The following SQSTM1 variants were observed in gnomAD, a reference collection of about 807,000 sequenced individuals.
SQSTM1 encodes sequestosome-1.
Under a neutral mutation model 45.1 loss-of-function variants are expected in SQSTM1, and 36 were observed. The ratio of observed to expected loss-of-function variants is 0.80; its 90% CI spans 0.61 to 1.05. The LOEUF (loss-of-function observed/expected upper bound fraction) is 1.05. SQSTM1 is among the 50% of genes least tolerant of loss of function. The probability of loss-of-function intolerance (pLI) is 0.00; values close to 1 mark genes in which losing one functional copy is unlikely to be tolerated. For missense variants in SQSTM1, 617 were observed against 607.1 expected (o/e 1.02, Z -0.17); for synonymous variants, 290 against 244.3 (o/e 1.19, Z -1.74).
intron 1 of SQSTM1, among the ~76,000 whole-genome samples, chr5:179,809,937 G>A (rs965829666): frequency 1.3e-5 from 2 of 150,230 alleles, no homozygotes; most frequent in Non-Finnish European, 1.5e-5. Context: ...AGCCACCGGC[G>A]GCGCCCAGCC....
intron 5 of SQSTM1, among the ~76,000 whole-genome samples, chr5:179,831,418 T>C (rs1758211701): frequency 6.6e-6 from 1 of 152,146 alleles, no homozygotes; most frequent in Non-Finnish European, 1.5e-5. Context: ...TCCAAGCACT[T>C]TGGGAGGCCA....
At chr5:179,810,205 G>T (rs1246127392) in intron 1 of SQSTM1, among the ~76,000 whole-genome samples, 1 of 152,006 alleles carries the variant, frequency 6.6e-6, no homozygotes, top group African/African-American at 2.4e-5. Context: ...TGCCCGGTTG[G>T]TATGCTGCAC....
At chr5:179,834,157 G>A (rs1173839543) in intron 7 of SQSTM1, among the ~76,000 whole-genome samples, 33 of 30,028 alleles carry the variant, frequency 1.1e-3, no homozygotes, top group East Asian at 3.3e-3. Context: ...TGGTCTGAGA[G>A]GGGGGGGGGT....
At chr5:179,836,369 G>GGTAT (rs1758554025) in intron 7 of SQSTM1, 67 bp from the exon 8 acceptor site, 9 of 1,609,358 alleles carry the variant, frequency 5.6e-6, no homozygotes, top group Non-Finnish European at 7.6e-6. Flanking sequence ...AAGGCAGCAG[G>GGTAT]GTATGTGTTT....
At chr5:179,820,861 G>T, upstream of SQSTM1, 1 of 1,323,226 alleles carries the variant, frequency 7.6e-7, no homozygotes, top group South Asian at 1.6e-5. Context: ...GCGGGGCGGG[G>T]CCTCCGCGTT....
Position 179,836,617 on chromosome 5 carries a change from G to A in SQSTM1, c.*24G>A, listed in dbSNP as rs768290894. On this transcript the variant is annotated 3_prime_UTR_variant, in exon 8 of 8. Transcript: ENST00000389805. The stretch of plus-strand genomic sequence containing the variant: ...GACCACTTTTGCCCACCTCTTCTGC[G>A]TGCCCCTCTTCTGTCTCATAGTTGT... The A allele has an allele frequency of 4.8e-5, 78 of 1,611,398 alleles. No individual in the cohort carries two copies. Among genetic ancestry groups the A allele is most frequent in the Admixed American group, 2.7e-4 (16 of 59,902 alleles).
intron 5 of SQSTM1, among the ~76,000 whole-genome samples, chr5:179,826,084 C>T (rs923646071): frequency 7.9e-5 from 12 of 151,986 alleles, no homozygotes; most frequent in Non-Finnish European, 2.9e-5. Context: ...AAGAATGCTG[C>T]TAGGAGGGGC....
chr5:179,828,469 G>C (rs1042853767), intron 5 of SQSTM1, among the ~76,000 whole-genome samples: 1 of 150,524 alleles, frequency 6.6e-6, no homozygotes, highest in Non-Finnish European at 1.5e-5. Context: ...TGCCTCCCGG[G>C]TTCAAGCGAT....
chr5:179,833,464 C>G lies in SQSTM1; in HGVS notation c.970-123C>G, dbSNP rs553035601. 423 of 1,110,916 alleles carry G rather than the reference C, an allele frequency of 3.8e-4. 1 individual carries two copies. The African/African-American group carries it at 5.5e-3, about 14-fold the overall frequency. 68.8% of individuals were successfully genotyped at this position (1,110,916 alleles called of 1,614,324 possible). Reference sequence around the variant, plus strand: ...TGAGTGGCCACTGTTCCCCCTAGACCCCTGCAGCCTTAACTGCACGTGTGC... The same window carrying G: ...TGAGTGGCCACTGTTCCCCCTAGACGCCTGCAGCCTTAACTGCACGTGTGC... On this transcript the variant is annotated intron_variant, in intron 6 of 7. Coordinates refer to ENST00000389805, the MANE Select transcript of SQSTM1 (RefSeq NM_003900.5).
chr5:179,807,136 T>A (rs1322823782), intron 1 of SQSTM1, among the ~76,000 whole-genome samples: 2 of 135,266 alleles, frequency 1.5e-5, no homozygotes, highest in African/African-American at 2.8e-5. Context: ...AAGGCTGGAG[T>A]GGGAGTGCAG....
At chr5:179,829,316 C>T (rs1758120498) in intron 5 of SQSTM1, among the ~76,000 whole-genome samples, 2 of 152,168 alleles carry the variant, frequency 1.3e-5, no homozygotes, top group South Asian at 2.1e-4. Context: ...GAGAAGTGTC[C>T]TACAGCTCCT....
intron 7 of SQSTM1, chr5:179,836,117 T>C (rs375809511): frequency 2.5e-5 from 12 of 477,768 alleles, no homozygotes; most frequent in East Asian, 7.8e-5. Context: ...AGTGTAATAA[T>C]TGGCTAACTG....
intron 1 of SQSTM1, 24 bp from the exon 2 acceptor site, chr5:179,822,934 C>A: frequency 1.2e-6 from 2 of 1,609,606 alleles, no homozygotes; most frequent in South Asian, 1.1e-5. Context: ...TGGGTGCTCA[C>A]GTGCTGTCTT....
chr5:179,818,258 T>C (rs915588142), upstream of SQSTM1, among the ~76,000 whole-genome samples: 1 of 151,188 alleles, frequency 6.6e-6, no homozygotes, highest in Non-Finnish European at 1.5e-5. Flanking sequence ...TGGAAGGGAG[T>C]GGCTGCAGCG....
chr5:179,835,941 T>C lies in SQSTM1; in HGVS notation c.1166-495T>C, dbSNP rs540802983. 5 of 230,032 alleles carry C rather than the reference T, an allele frequency of 2.2e-5. No individual in the cohort carries two copies. In the East Asian group the frequency reaches 5.2e-4, roughly 24 times the overall value. The allele number at this position is 230,032 out of a possible 1,614,324, so 14.2% of individuals were successfully genotyped here. On this transcript the variant is annotated intron_variant, in intron 7 of 7. Transcript: ENST00000389805. ...TGGGCAGTTAGGTTGGTTCCACATCTTTGCAATTGTGAGTTGTGCTGCTCC... is the reference window on the plus strand; with the variant it reads ...TGGGCAGTTAGGTTGGTTCCACATCCTTGCAATTGTGAGTTGTGCTGCTCC...
At position 179,806,478 on chromosome 5, in the gene SQSTM1, C is replaced by T. The variant is rs1054417861; in HGVS notation, c.-270C>T. On this transcript the variant is annotated 5_prime_UTR_variant, in exon 1 of 6. Transcript: ENST00000514093. The surrounding 1 kb of genome is among the most constrained non-coding windows in gnomAD (Gnocchi z 4.6). ...CGCCAGGTGCGGGCCGGGCGGGGGT[C>T]GCGCTCACCTTTCTGGCCGCTGAGT... 3.9e-6 allele frequency: 5 copies of T among 1,280,466 alleles called. No homozygotes were observed. The South Asian group carries it at 6.6e-5, about 17-fold the overall frequency. 79.3% of individuals were successfully genotyped at this position (1,280,466 alleles called of 1,614,324 possible). A position where few individuals can be genotyped will look rare whatever the true frequency, so the allele number is the denominator to read the frequency against.
upstream of SQSTM1, among the ~76,000 whole-genome samples, chr5:179,814,816 G>A (rs551314391): frequency 6.6e-6 from 1 of 152,236 alleles, no homozygotes; most frequent in East Asian, 1.9e-4. Context: ...AGCACTTTAG[G>A]AGGCCGAGGC....
At chr5:179,834,561 C>A (rs1324320597) in intron 7 of SQSTM1, among the ~76,000 whole-genome samples, 1 of 151,202 alleles carries the variant, frequency 6.6e-6, no homozygotes, top group African/African-American at 2.4e-5. Flanking sequence ...GACCCTGCGG[C>A]CTTCCGCAGC....
At chr5:179,830,067 C>T (rs912841398) in intron 5 of SQSTM1, among the ~76,000 whole-genome samples, 4 of 152,118 alleles carry the variant, frequency 2.6e-5, no homozygotes, top group Non-Finnish European at 5.9e-5. Flanking sequence ...CTGGATTGTA[C>T]CACTGCACTC....
Sources: allele counts gnomAD v4.1 joint callset (sites outside exome capture counted in the v4.1 genomes callset), GRCh38; gene constraint gnomAD v4.1.1; non-coding constraint Gnocchi (gnomAD v3.1); transcripts MANE v1.5; gene names NCBI Gene and HGNC (gene_info 2026-07-23, HGNC 2026-07-21).